Variants in ABR observed in about 807,000 individuals in gnomAD.
The protein encoded by ABR is active breakpoint cluster region-related protein.
A neutral mutation model predicts 107.2 loss-of-function variants in ABR; 35 were observed. The observed-to-expected ratio is 0.33, with a 90% CI of 0.25 to 0.43. The LOEUF (loss-of-function observed/expected upper bound fraction) is 0.43. ABR is among the 20% of genes least tolerant of loss of function. The pLI, the probability that ABR is intolerant of heterozygous loss-of-function variation, is 1.00. For synonymous variants in ABR, 498 were observed against 462.0 expected (o/e 1.08, Z -1.00); for missense variants, 815 against 1,115.2 (o/e 0.73, Z 3.83).
intron 16 of ABR, among the ~76,000 whole-genome samples, chr17:1,045,056 T>C (rs1167407961): frequency 1.3e-5 from 2 of 152,180 alleles, no homozygotes; most frequent in Non-Finnish European, 2.9e-5. Flanking sequence ...CAGGCCCTGA[T>C]TAAATCTACA....
At chr17:1,130,345 C>T (rs562439797) in intron 1 of ABR, among the ~76,000 whole-genome samples, 2 of 152,048 alleles carry the variant, frequency 1.3e-5, no homozygotes, top group South Asian at 4.2e-4. Flanking sequence ...CACATTCCCG[C>T]CCCTCATCTC....
Position 1,071,677 on chromosome 17 carries a change from AAGCAG to A in ABR, c.894+932_894+936del, listed in dbSNP as rs2151180484. Reference sequence around the variant, plus strand: ...GCCACTGCGTGTGCAGGCCGAGCTGAAGCAGCTCCAAGCTCCTGCTCCCTTCGCTT... The same window carrying A: ...GCCACTGCGTGTGCAGGCCGAGCTGACTCCAAGCTCCTGCTCCCTTCGCTT... On this transcript the variant is annotated intron_variant, in intron 8 of 22. Coordinates refer to ENST00000302538, the MANE Select transcript of ABR (RefSeq NM_021962.5). The surrounding 1 kb of genome is among the most constrained non-coding windows in gnomAD (Gnocchi z 5.1). Among the ~76,000 whole-genome samples the A allele has an allele frequency of 6.6e-6, 1 of 152,336 alleles. No individual in the cohort carries two copies. The highest frequency in any genetic ancestry group is 2.1e-4 in the South Asian group (1 of 4,830).
At chr17:1,094,711 A>G (rs1300316731) in intron 3 of ABR, among the ~76,000 whole-genome samples, 1 of 152,200 alleles carries the variant, frequency 6.6e-6, no homozygotes, top group Non-Finnish European at 1.5e-5. Flanking sequence ...GGGCCAACAC[A>G]GATGAAATGA....
chr17:1,203,131 C>G (rs536789778), intron 1 of ABR, among the ~76,000 whole-genome samples: 2 of 152,256 alleles, frequency 1.3e-5, no homozygotes, highest in South Asian at 4.1e-4. Flanking sequence ...GGTGATCCGC[C>G]CGCCTCGGCC....
chr17:1,109,407 G>GGGGCTC (rs1244235990), intron 2 of ABR, among the ~76,000 whole-genome samples: 4 of 152,050 alleles, frequency 2.6e-5, no homozygotes, highest in South Asian at 4.1e-4. Context: ...CCCGGGCTCC[G>GGGGCTC]GGGCTCGGGC....
At chr17:1,074,276 A>G (rs369743649) in intron 6 of ABR, among the ~76,000 whole-genome samples, 104 of 124,176 alleles carry the variant, frequency 8.4e-4, no homozygotes, top group Admixed American at 2.4e-3. Flanking sequence ...CCACACGCAG[A>G]ACCCCAGAAT....
intron 4 of ABR, among the ~76,000 whole-genome samples, chr17:1,089,697 C>T (rs527930016): frequency 1.2e-4 from 19 of 152,310 alleles, no homozygotes; most frequent in Non-Finnish European, 2.5e-4. Flanking sequence ...CGGTGGCTCA[C>T]GCCTGTAATC....
chr17:1,179,753 C>T lies in ABR; in HGVS notation c.-26G>A, dbSNP rs570377569. On this transcript the variant is annotated 5_prime_UTR_variant, in exon 1 of 23. Coordinates refer to ENST00000302538, the MANE Select transcript of ABR (RefSeq NM_021962.5). The surrounding 1 kb of genome is among the most constrained non-coding windows in gnomAD (Gnocchi z 4.9). ...CCCGCGGCGGCGGCTCGGTCAGATCCGAAACCCGACCCTCATCGCGCAACA... is the reference window on the plus strand; with the variant it reads ...CCCGCGGCGGCGGCTCGGTCAGATCTGAAACCCGACCCTCATCGCGCAACA... 8.2e-6 allele frequency: 12 copies of T among 1,470,918 alleles called. No homozygotes were observed. The South Asian group carries it at 1.2e-4, about 15-fold the overall frequency. The allele number at this position is 1,470,918 out of a possible 1,614,324, so 91.1% of individuals were successfully genotyped here.
At chr17:1,099,065 G>C (rs975284705) in intron 3 of ABR, among the ~76,000 whole-genome samples, 5 of 151,738 alleles carry the variant, frequency 3.3e-5, no homozygotes, top group African/African-American at 1.2e-4. Flanking sequence ...GGGATTACAG[G>C]TGTCAGCCAC....
At chr17:1,044,770 G>A (rs1302736668) in intron 16 of ABR, among the ~76,000 whole-genome samples, 1 of 152,038 alleles carries the variant, frequency 6.6e-6, no homozygotes, top group Non-Finnish European at 1.5e-5. Flanking sequence ...TGACTTTCCT[G>A]GGACCCTCCC....
intron 1 of ABR, among the ~76,000 whole-genome samples, chr17:1,166,260 G>A (rs1246021526): frequency 6.6e-6 from 1 of 152,096 alleles, no homozygotes; most frequent in Non-Finnish European, 1.5e-5. Context: ...GAGCAGGGAC[G>A]GGGGCAGGCT....
intron 2 of ABR, among the ~76,000 whole-genome samples, chr17:1,104,300 A>G (rs920749): frequency 0.71 from 108,031 of 152,110 alleles, 38,778 homozygotes; most frequent in East Asian, 0.88. Context: ...GGTAGGAACA[A>G]TGTCTAGAGA....
chr17:1,115,876 G>A (rs1330924984), intron 2 of ABR, among the ~76,000 whole-genome samples: 6 of 150,934 alleles, frequency 4.0e-5, no homozygotes, highest in South Asian at 2.1e-4. Context: ...GCAGTGAGCC[G>A]AGATCACACC....
intron 1 of ABR, among the ~76,000 whole-genome samples, chr17:1,225,307 C>T (rs147385782): frequency 4.5e-4 from 68 of 152,184 alleles, no homozygotes; most frequent in Non-Finnish European, 8.5e-4. Flanking sequence ...ACATGCACCA[C>T]GGAAAACCAA....
At chr17:1,191,136 C>A (rs1005002053), upstream of ABR, among the ~76,000 whole-genome samples, 1 of 152,144 alleles carries the variant, frequency 6.6e-6, no homozygotes, top group Non-Finnish European at 1.5e-5. Context: ...TTTCCATGTT[C>A]CCGTCACCAA....
intron 4 of ABR, 174 bp from the exon 5 acceptor site, chr17:1,083,801 C>T: frequency 1.7e-6 from 1 of 605,286 alleles, no homozygotes; most frequent in Non-Finnish European, 3.0e-6. Flanking sequence ...TCCCTTTGAA[C>T]TGGACAGTTT....
At chr17:1,107,693 G>T (rs2038353950) in intron 2 of ABR, among the ~76,000 whole-genome samples, 1 of 152,192 alleles carries the variant, frequency 6.6e-6, no homozygotes. Context: ...AGGCTGGTCA[G>T]ACCCTAAGTG....
intron 1 of ABR, among the ~76,000 whole-genome samples, chr17:1,226,220 G>A (rs573739859): frequency 2.6e-4 from 40 of 152,256 alleles, no homozygotes; most frequent in Non-Finnish European, 4.6e-4. Flanking sequence ...AAGACCGCCC[G>A]GGTGCTTCTG....
At chr17:1,035,770 C>T (rs1472268195) in intron 16 of ABR, among the ~76,000 whole-genome samples, 1 of 148,820 alleles carries the variant, frequency 6.7e-6, no homozygotes, top group Non-Finnish European at 1.5e-5. Flanking sequence ...ACCATCCCAT[C>T]CTCCCTCAGC....
Sources: allele counts gnomAD v4.1 joint callset (sites outside exome capture counted in the v4.1 genomes callset), GRCh38; gene constraint gnomAD v4.1.1; non-coding constraint Gnocchi (gnomAD v3.1); transcripts MANE v1.5; gene names NCBI Gene and HGNC (gene_info 2026-07-23, HGNC 2026-07-21).